SCYL2: variants seen among roughly 807,000 people sequenced by gnomAD.
SCYL2 encodes the protein SCY1 like pseudokinase 2.
Under a neutral mutation model 100.4 loss-of-function variants are expected in SCYL2, and 36 were observed. The ratio of observed to expected loss-of-function variants is 0.36; its 90% CI spans 0.27 to 0.47. SCYL2 has a LOEUF of 0.47. SCYL2 is among the 20% of genes least tolerant of loss of function. The probability of loss-of-function intolerance (pLI) is 1.00; values close to 1 mark genes in which losing one functional copy is unlikely to be tolerated. For missense variants in SCYL2, 902 were observed against 1,083.9 expected (o/e 0.83, Z 2.36); for synonymous variants, 330 against 359.2 (o/e 0.92, Z 0.92).
chr12:100,337,663 T>G (rs545987589), intron 17 of SCYL2, among the ~76,000 whole-genome samples, 157 bp downstream of exon 17: 1 of 152,312 alleles, frequency 6.6e-6, no homozygotes, highest in South Asian at 2.1e-4. Context: ...ATTTTCCAAC[T>G]CAGCTATAAC....
Position 100,339,120 on chromosome 12 carries a change from C to G in SCYL2, c.2738C>G (p.Thr913Ser). 1 of 1,614,034 alleles carries G rather than the reference C, an allele frequency of 6.2e-7. No individual in the cohort carries two copies. Among genetic ancestry groups the G allele is most frequent in the Non-Finnish European group, 8.5e-7 (1 of 1,179,942 alleles). Residue 913 changes from threonine (T) to serine (S), a missense_variant, in exon 18 of 18, where the codon ACT becomes AGT. By Grantham distance (58) the Thr-to-Ser change is moderately conservative (BLOSUM62 1). Coordinates refer to ENST00000360820, the MANE Select transcript of SCYL2 (RefSeq NM_017988.6). ...NPQNFAQPPT[T>S]MTNSSSASND... ...CAGAACTTTGCACAGCCACCAACTA[C>G]TATGACCAATAGCAGTTCAGCTAGC... is the stretch of plus-strand genomic sequence containing the variant.
chr12:100,304,191 G>T (rs1456685693), intron 4 of SCYL2, among the ~76,000 whole-genome samples: 1 of 152,112 alleles, frequency 6.6e-6, no homozygotes, highest in Non-Finnish European at 1.5e-5. Flanking sequence ...AGCTGGCTGG[G>T]CTCCTTGGGG....
At chr12:100,336,754 A>G (rs780497400) in intron 16 of SCYL2, among the ~76,000 whole-genome samples, 1 of 152,154 alleles carries the variant, frequency 6.6e-6, no homozygotes, top group Admixed American at 6.6e-5. Flanking sequence ...ATATGAAACT[A>G]TAATAGGATA....
chr12:100,281,939 C>A (rs572494623), intron 1 of SCYL2, among the ~76,000 whole-genome samples: 1 of 151,894 alleles, frequency 6.6e-6, no homozygotes, highest in South Asian at 2.1e-4. Flanking sequence ...GTGATCAACA[C>A]CTGTGAAAAG....
In SCYL2 at chr12:100,333,022, G is replaced by T. The variant is rs959564310; in HGVS notation, c.1762-1144G>T. ...TGAGCCACATGCCTGGACCGATGTTGTTTCTTTATCTGGCTACTAGTTACA... is the reference window on the plus strand; with the variant it reads ...TGAGCCACATGCCTGGACCGATGTTTTTTCTTTATCTGGCTACTAGTTACA... On this transcript the variant is annotated intron_variant, in intron 13 of 17. Coordinates refer to ENST00000360820, the MANE Select transcript of SCYL2 (RefSeq NM_017988.6). Among the ~76,000 whole-genome samples, 12 of 151,178 alleles carry T rather than the reference G, an allele frequency of 7.9e-5. 1 individual carries two copies. In the South Asian group the frequency reaches 1.7e-3, roughly 21 times the overall value.
intron 13 of SCYL2, among the ~76,000 whole-genome samples, chr12:100,329,820 A>C (rs982092062): frequency 6.6e-6 from 1 of 152,166 alleles, no homozygotes; most frequent in Non-Finnish European, 1.5e-5. Context: ...AAGCGCACTT[A>C]CGTGGTTGTT....
At chr12:100,303,768 T>A (rs541504159) in intron 4 of SCYL2, among the ~76,000 whole-genome samples, 1 of 152,338 alleles carries the variant, frequency 6.6e-6, no homozygotes, top group African/African-American at 2.4e-5. Flanking sequence ...AGTCTGTCCC[T>A]TAGCAGAGCT....
chr12:100,302,970 A>G lies in SCYL2; in HGVS notation c.480+4795A>G, dbSNP rs1027237828. ...CATTCCTTTTCATTCATTTTTCTCT[A>G]ATCTTGTCTTGATGCTTTATTTCAT... On this transcript the variant is annotated intron_variant, in intron 4 of 17. Transcript: ENST00000360820. 3.3e-5 allele frequency among the ~76,000 whole-genome samples: 5 copies of G among 151,864 alleles called. No homozygotes were observed. The East Asian group carries it at 9.7e-4, about 30-fold the overall frequency.
chr12:100,334,109 A>G, intron 13 of SCYL2, 57 bp from the exon 14 acceptor site: 3 of 988,650 alleles, frequency 3.0e-6, no homozygotes, highest in Non-Finnish European at 4.8e-6. Flanking sequence ...ATCTTAATTG[A>G]TTACATTTGC....
chr12:100,280,637 A>C (rs1253012063), intron 1 of SCYL2, among the ~76,000 whole-genome samples: 1 of 152,210 alleles, frequency 6.6e-6, no homozygotes, highest in Non-Finnish European at 1.5e-5. Context: ...TTATTAATAC[A>C]GGTTGAATAT....
intron 11 of SCYL2, among the ~76,000 whole-genome samples, chr12:100,325,764 C>T (rs2096361048): frequency 6.6e-6 from 1 of 151,904 alleles, no homozygotes; most frequent in Non-Finnish European, 1.5e-5. Context: ...ATATATATAT[C>T]TCAGTAGAAT....
intron 3 of SCYL2, among the ~76,000 whole-genome samples, chr12:100,294,544 CCAGACCGGGCGG>C (rs1359913591): frequency 2.2e-5 from 3 of 138,128 alleles, no homozygotes; most frequent in Non-Finnish European, 3.2e-5. Flanking sequence ...CACCTCCCTC[CCAGACCGGGCGG>C]CTGGCCGGGC....
Position 100,322,368 on chromosome 12 carries a change from G to A in SCYL2, c.1396-1157G>A, listed in dbSNP as rs369705558. Among the ~76,000 whole-genome samples the A allele has an allele frequency of 2.5e-3, 250 of 98,554 alleles. 2 individuals are homozygous for A. The East Asian group carries it at 0.042, about 17-fold the overall frequency. 64.7% of individuals were successfully genotyped at this position (98,554 alleles called of 152,430 possible). A position where few individuals can be genotyped will look rare whatever the true frequency, so the allele number is the denominator to read the frequency against. On this transcript the variant is annotated intron_variant, in intron 10 of 17. Transcript: ENST00000360820. ...AGCCTGGGCGACAGAGCGAGACTCC[G>A]TCTCAAAAAAAAAAAAAAAAAAAAA...
intron 10 of SCYL2, among the ~76,000 whole-genome samples, chr12:100,318,334 T>C (rs940511124): frequency 2.0e-5 from 3 of 148,084 alleles, no homozygotes; most frequent in African/African-American, 5.0e-5. Context: ...TCTTTCTTTT[T>C]TTTTTTTTTT....
rs930596677 is a variant in SCYL2 at position 100,312,284 on chromosome 12, CATTTGGGA to C, written c.631-135_631-128del. 122 of 667,334 alleles carry C rather than the reference CATTTGGGA, an allele frequency of 1.8e-4. 2 individuals are homozygous for C. The South Asian group carries it at 2.0e-3, about 11-fold the overall frequency. The allele number at this position is 667,334 out of a possible 1,614,324, so 41.3% of individuals were successfully genotyped here. A position where few individuals can be genotyped will look rare whatever the true frequency, so the allele number is the denominator to read the frequency against. On this transcript the variant is annotated intron_variant, in intron 5 of 17. Coordinates refer to ENST00000360820, the MANE Select transcript of SCYL2 (RefSeq NM_017988.6). ...TCATTTTGTTGCATGGACTTTTTTA[CATTTGGGA>C]ATTTGGGAATTTTGGGATTGAAGGC...
In SCYL2 at chr12:100,338,918, C is replaced by T. The variant is rs1437021373; in HGVS notation, c.2536C>T (p.Pro846Ser). 23 of 1,613,982 alleles carry T rather than the reference C, an allele frequency of 1.4e-5. No homozygotes were observed. The highest frequency in any genetic ancestry group is 1.9e-5 in the Non-Finnish European group (22 of 1,179,992). Residue 846 changes from proline to serine, a missense_variant, in exon 18 of 18, where the codon CCT (proline) becomes TCT (serine). Transcript: ENST00000360820. ...GTCTGCCCTTAATAATCTCTTTGGC[C>T]CTCAGAAACCCAAAGTTAGCATGAA... ...DMSALNNLFGPQKPKVSMNQL... is the reference protein window; with the variant it reads ...DMSALNNLFGSQKPKVSMNQL...
intron 4 of SCYL2, among the ~76,000 whole-genome samples, chr12:100,308,327 G>A (rs184549575): frequency 3.9e-5 from 6 of 152,296 alleles, no homozygotes; most frequent in Admixed American, 2.6e-4. Flanking sequence ...ATGAGTTCAC[G>A]TCCTTTGCAG....
At chr12:100,310,039 C>T (rs1406537917) in intron 4 of SCYL2, among the ~76,000 whole-genome samples, 1 of 150,912 alleles carries the variant, frequency 6.6e-6, no homozygotes, top group East Asian at 1.9e-4. Context: ...TGCTGTGTTG[C>T]CCAGGCTGGA....
intron 9 of SCYL2, 26 bp from the exon 10 acceptor site, chr12:100,317,777 A>G: frequency 6.3e-7 from 1 of 1,576,384 alleles, no homozygotes; most frequent in South Asian, 1.2e-5. Flanking sequence ...CCAGGTTTTA[A>G]TACATTGTTT....
Sources: allele counts gnomAD v4.1 joint callset (sites outside exome capture counted in the v4.1 genomes callset), GRCh38; gene constraint gnomAD v4.1.1; transcripts MANE v1.5; gene names NCBI Gene and HGNC (gene_info 2026-07-23, HGNC 2026-07-21).